The following C1orf146 variants were observed in gnomAD, a reference collection of about 807,000 sequenced individuals.
C1orf146 encodes protein SPO16 homolog.
A neutral mutation model predicts 23.0 loss-of-function variants in C1orf146; 22 were observed. The ratio of observed to expected loss-of-function variants is 0.96; its 90% CI spans 0.68 to 1.36. The LOEUF (loss-of-function observed/expected upper bound fraction) is 1.36, where lower values mean the gene tolerates loss of function less well. Ranked by LOEUF, C1orf146 falls within the 40% of genes most tolerant of loss-of-function variation. C1orf146 has a pLI of 0.00. For missense variants in C1orf146, 199 were observed against 206.8 expected (o/e 0.96, Z 0.23); for synonymous variants, 59 against 65.3 (o/e 0.90, Z 0.47).
intron 1 of C1orf146, among the ~76,000 whole-genome samples, chr1:92,231,137 G>T (rs912092088): frequency 6.6e-6 from 1 of 152,198 alleles, no homozygotes; most frequent in African/African-American, 2.4e-5. Flanking sequence ...GCGTGTTCTT[G>T]ATGCAAGTCC....
intron 3 of C1orf146, among the ~76,000 whole-genome samples, chr1:92,243,457 C>T (rs1652479487): frequency 6.6e-6 from 1 of 152,160 alleles, no homozygotes; most frequent in Non-Finnish European, 1.5e-5. Context: ...CACCATTCTC[C>T]TGCCTCAGCC....
intron 2 of C1orf146, among the ~76,000 whole-genome samples, chr1:92,240,290 A>G (rs1652400025): frequency 6.6e-6 from 1 of 152,184 alleles, no homozygotes; most frequent in Admixed American, 6.5e-5. Flanking sequence ...ACTTGCTCAT[A>G]TATTTGAATT....
chr1:92,221,209 C>T (rs944090239), intron 1 of C1orf146, among the ~76,000 whole-genome samples: 1 of 152,098 alleles, frequency 6.6e-6, no homozygotes, highest in Non-Finnish European at 1.5e-5. Flanking sequence ...AGGCCATTAT[C>T]CTAAGTGAAT....
At chr1:92,229,439 T>C in intron 1 of C1orf146, 1 of 520,104 alleles carries the variant, frequency 1.9e-6, no homozygotes, top group East Asian at 5.1e-5. Flanking sequence ...TCTCCAGCTT[T>C]TTGTCATCAG....
Position 92,244,281 on chromosome 1 carries a change from CA to C in C1orf146, c.229del (p.Ile77LeufsTer27), listed in dbSNP as rs1652510325. 1.2e-6 allele frequency: 2 copies of C among 1,609,372 alleles called. No homozygotes were observed. Among genetic ancestry groups the C allele is most frequent in the Non-Finnish European group, 8.5e-7 (1 of 1,176,466 alleles). On this transcript the variant is annotated frameshift_variant, in exon 4 of 6. Transcript: ENST00000370375. LOFTEE classifies it high-confidence loss of function. ...TGTCAACTGAAGAAATATTTCTAGC[CA>C]AAATTGAGAAATTTATTAACATTCA... Reference protein sequence around the residue: ...LLSTEEIFLAKIEKFINIHQN... With the variant: ...LLSTEEIFLAXIEKFINIHQN...
intron 1 of C1orf146, chr1:92,229,375 G>A (rs201206509): frequency 6.4e-5 from 35 of 542,800 alleles, no homozygotes; most frequent in Admixed American, 2.0e-4. Context: ...TCCGGACACC[G>A]GAACCGTTCG....
chr1:92,219,632 A>G (rs1335488170), intron 1 of C1orf146, among the ~76,000 whole-genome samples: 1 of 149,208 alleles, frequency 6.7e-6, no homozygotes, highest in Non-Finnish European at 1.5e-5. Context: ...GGGGAGTTAT[A>G]TTCCCCACCC....
intron 3 of C1orf146, among the ~76,000 whole-genome samples, chr1:92,243,702 A>G (rs925039747): frequency 2.6e-5 from 4 of 152,166 alleles, no homozygotes; most frequent in African/African-American, 9.7e-5. Context: ...AAAATAATTA[A>G]TAAGAGCCTC....
chr1:92,225,139 G>A (rs1651937720), intron 1 of C1orf146, among the ~76,000 whole-genome samples: 1 of 147,688 alleles, frequency 6.8e-6, no homozygotes, highest in Non-Finnish European at 1.5e-5. Flanking sequence ...CTTGAGACAG[G>A]GTCTCACTCT....
At chr1:92,224,195 C>T (rs555013277) in intron 1 of C1orf146, among the ~76,000 whole-genome samples, 87 of 151,738 alleles carry the variant, frequency 5.7e-4, no homozygotes, top group African/African-American at 2.1e-3. Context: ...GGACTACAGG[C>T]GCCCACCACC....
chr1:92,222,025 T>A (rs1484550959), intron 1 of C1orf146, among the ~76,000 whole-genome samples: 2 of 152,282 alleles, frequency 1.3e-5, no homozygotes, highest in East Asian at 3.9e-4. Context: ...GCAGATCACC[T>A]GAGGTCAGGA....
intron 2 of C1orf146, among the ~76,000 whole-genome samples, chr1:92,233,240 T>C (rs1312221534): frequency 6.6e-6 from 1 of 152,232 alleles, no homozygotes; most frequent in Non-Finnish European, 1.5e-5. Flanking sequence ...TTTATGATTT[T>C]AGGTCTAACG....
At chr1:92,243,494 A>T (rs1188699780) in intron 3 of C1orf146, among the ~76,000 whole-genome samples, 1 of 152,070 alleles carries the variant, frequency 6.6e-6, no homozygotes, top group Non-Finnish European at 1.5e-5. Flanking sequence ...TTACAGGCAC[A>T]TACCACCACA....
intron 2 of C1orf146, among the ~76,000 whole-genome samples, chr1:92,237,026 G>C (rs920667826): frequency 2.0e-5 from 3 of 152,104 alleles, no homozygotes; most frequent in Non-Finnish European, 4.4e-5. Flanking sequence ...TTTTTTCAAA[G>C]TTTTTAACTT....
chr1:92,242,378 T>C, intron 3 of C1orf146, 73 bp downstream of exon 3: 1 of 765,762 alleles, frequency 1.3e-6, no homozygotes. Flanking sequence ...ACTTCATAGT[T>C]CAGTAACCAT....
intron 1 of C1orf146, among the ~76,000 whole-genome samples, chr1:92,226,157 T>C (rs2100730437): frequency 6.6e-6 from 1 of 152,316 alleles, no homozygotes; most frequent in Non-Finnish European, 1.5e-5. Context: ...GTCTCATGTC[T>C]CTTTTGTTCC....
intron 2 of C1orf146, among the ~76,000 whole-genome samples, chr1:92,232,931 C>T (rs1456713267): frequency 6.6e-6 from 1 of 152,054 alleles, no homozygotes; most frequent in African/African-American, 2.4e-5. Flanking sequence ...CTGTTCATGT[C>T]CTTCACCCAC....
intron 3 of C1orf146, among the ~76,000 whole-genome samples, chr1:92,243,184 CAA>C (rs900908222): frequency 1.3e-5 from 2 of 152,044 alleles, no homozygotes; most frequent in African/African-American, 2.4e-5. Context: ...ATAAGTTGCC[CAA>C]GTTTACTCAA....
At chr1:92,245,045 A>ACTAC (rs1652556912) in intron 5 of C1orf146, among the ~76,000 whole-genome samples, 188 bp downstream of exon 5, 1 of 152,176 alleles carries the variant, frequency 6.6e-6, no homozygotes, top group Non-Finnish European at 1.5e-5. Flanking sequence ...TCCAGTAGCC[A>ACTAC]CTACCATTTA....
Sources: gnomAD v4.1 joint callset for allele counts (sites outside exome capture counted in the v4.1 genomes callset) on GRCh38, gnomAD v4.1.1 for gene constraint, MANE v1.5 for transcripts, NCBI Gene and HGNC (gene_info 2026-07-23, HGNC 2026-07-21) for gene names.